LBHD1: variants seen among roughly 807,000 people sequenced by gnomAD.
The protein encoded by LBHD1 is LBH domain-containing protein 1.
In LBHD1, 28 loss-of-function variants were observed where a neutral mutation model predicts 31.1. That is an observed-to-expected ratio of 0.90 (90% CI 0.67 to 1.24). The LOEUF is 1.24. Ranked by LOEUF, LBHD1 falls within the 50% of genes most tolerant of loss-of-function variation. The pLI is 0.00. For synonymous variants in LBHD1, 105 were observed against 116.5 expected, an observed-to-expected ratio of 0.90 and a Z score of 0.63; for missense variants, 350 against 323.0, an observed-to-expected ratio of 1.08 and a Z score of -0.64.
At position 62,669,967 on chromosome 11, in the gene LBHD1, G is replaced by C; in HGVS notation, c.65C>G (p.Ser22Cys). 6.2e-7 allele frequency: 1 copy of C among 1,614,088 alleles called. No individual in the cohort carries two copies. Among genetic ancestry groups the C allele is most frequent in the South Asian group, 1.1e-5 (1 of 91,078 alleles). The change falls in exon 2 of 7, where the codon TCC becomes TGC. Residue 22 changes from serine to cysteine, a missense_variant. Ser to Cys is a moderately radical substitution (Grantham distance 112). Coordinates refer to ENST00000354588, the MANE Select transcript of LBHD1 (RefSeq NM_024099.5). The stretch of plus-strand genomic sequence containing the variant: ...CAGCCTGGGACTTTCTGGATGCTGG[G>C]AGGAGCCTGGGCTATTTCTAGTCCA... ...GLWTRNSPGS[S>C]QHPESPRLPN...
chr11:62,663,789 T>C (rs1204236756), intron 5 of LBHD1, among the ~76,000 whole-genome samples: 7 of 149,680 alleles, frequency 4.7e-5, no homozygotes, highest in Non-Finnish European at 1.0e-4. Context: ...TGAAAGGACA[T>C]AGATCGGGGG....
At chr11:62,665,084 G>T in intron 4 of LBHD1, 111 bp from the exon 5 acceptor site, 1 of 1,472,052 alleles carries the variant, frequency 6.8e-7, no homozygotes, top group South Asian at 1.2e-5. Context: ...AGATAAAAGG[G>T]CTCAGGAACG....
At position 62,664,875 on chromosome 11, in the gene LBHD1, G is replaced by T. The variant is rs1435667876; in HGVS notation, c.637C>A (p.His213Asn). Residue 213 changes from histidine to asparagine, a missense_variant, in exon 5 of 7, where the codon CAC becomes AAC. Physicochemically the swap from His to Asn is moderately conservative, Grantham distance 68. Coordinates refer to ENST00000354588, the MANE Select transcript of LBHD1 (RefSeq NM_024099.5). ...CCCGCTTCTTGAGGTGGTGCCGCGT[G>T]ATCAGCCCTTGGTCTATCACAGCCC... is the stretch of plus-strand genomic sequence containing the variant. ...GRGCDRPRAD[H>N]AAPPQEAGVQ... 1 of 1,581,108 alleles carries T rather than the reference G, an allele frequency of 6.3e-7. No homozygotes were observed. Among genetic ancestry groups the T allele is most frequent in the African/African-American group, 1.3e-5 (1 of 74,344 alleles).
chr11:62,665,439 G>C, intron 4 of LBHD1: 3 of 1,549,018 alleles, frequency 1.9e-6, no homozygotes, highest in Non-Finnish European at 2.6e-6. Flanking sequence ...TTCTTGGCGG[G>C]GATCGGGCTT....
rs1395560634 is a variant in LBHD1 at position 62,672,231 on chromosome 11, C to G, written c.-678G>C. 28 of 1,100,972 alleles carry G rather than the reference C, an allele frequency of 2.5e-5. No individual in the cohort carries two copies. The highest frequency in any genetic ancestry group is 3.3e-5 in the Non-Finnish European group (26 of 778,736). The allele number at this position is 1,100,972 out of a possible 1,614,324, so 68.2% of individuals were successfully genotyped here. A position where few individuals can be genotyped will look rare whatever the true frequency, so the allele number is the denominator to read the frequency against. ...GACCGAGATACCATGCCAGGACTCT[C>G]CGGGGTCCTGTGAGCTGCCGTCGGG... On this transcript the variant is annotated 5_prime_UTR_variant, in exon 1 of 7. Coordinates refer to ENST00000354588, the MANE Select transcript of LBHD1 (RefSeq NM_024099.5).
chr11:62,665,815 C>T (rs1164200070), intron 4 of LBHD1: 1 of 1,585,300 alleles, frequency 6.3e-7, no homozygotes, highest in Non-Finnish European at 8.6e-7. Flanking sequence ...CCTCAGGCCT[C>T]TCCGGCTGGA....
chr11:62,669,418 AAG>A (rs1230593195), intron 3 of LBHD1: 1 of 985,030 alleles, frequency 1.0e-6, no homozygotes, highest in African/African-American at 1.7e-5. Flanking sequence ...AAAGAAGAAA[AAG>A]AAAGTACAGA....
At chr11:62,664,250 TAA>T (rs893957454) in intron 5 of LBHD1, among the ~76,000 whole-genome samples, 2 of 151,342 alleles carry the variant, frequency 1.3e-5, no homozygotes, top group African/African-American at 4.9e-5. Context: ...TATGTAAAAA[TAA>T]GTTTACTTAT....
chr11:62,663,069 T>C lies in LBHD1; in HGVS notation c.*60A>G. Reference sequence around the variant, plus strand: ...AGAGGTTTAGCTCTCATCTTCAAGGTCCTTCATTTCTACATCCTGGGGGGC... The same window carrying C: ...AGAGGTTTAGCTCTCATCTTCAAGGCCCTTCATTTCTACATCCTGGGGGGC... On this transcript the variant is annotated 3_prime_UTR_variant, in exon 7 of 7. Coordinates refer to ENST00000354588, the MANE Select transcript of LBHD1 (RefSeq NM_024099.5). 2.5e-6 allele frequency: 4 copies of C among 1,599,196 alleles called. No individual in the cohort carries two copies. In the South Asian group the frequency reaches 4.4e-5, roughly 18 times the overall value.
At chr11:62,667,862 G>A in intron 3 of LBHD1, 115 bp from the exon 4 acceptor site, 1 of 727,900 alleles carries the variant, frequency 1.4e-6, no homozygotes, top group Non-Finnish European at 2.3e-6. Flanking sequence ...AGGCCAAGGT[G>A]GGCAGATTGC....
chr11:62,665,573 A>C lies in LBHD1; in HGVS notation c.539-600T>G, dbSNP rs1234020085. ...TATCCTCAAACGCCGGGACACCGGG[A>C]ATCTCGGAGAAGGACAACCGAGATC... On this transcript the variant is annotated intron_variant, in intron 4 of 6. Transcript: ENST00000354588. The C allele has an allele frequency of 2.5e-6, 4 of 1,568,930 alleles. No individual in the cohort carries two copies. In the African/African-American group the frequency reaches 4.0e-5, roughly 16 times the overall value.
intron 3 of LBHD1, among the ~76,000 whole-genome samples, chr11:62,669,065 C>CAT: frequency 6.6e-6 from 1 of 151,306 alleles, no homozygotes; most frequent in Non-Finnish European, 1.5e-5. Flanking sequence ...GGACTACAGG[C>CAT]GCCCGCCACC....
intron 4 of LBHD1, chr11:62,666,152 A>G: frequency 8.4e-6 from 6 of 717,126 alleles, no homozygotes; most frequent in Middle Eastern, 4.0e-4. Context: ...TTCGAGACCA[A>G]CCTAGGGCAA....
At chr11:62,666,800 C>CTG (rs1236023800) in intron 4 of LBHD1, 3 of 1,613,988 alleles carry the variant, frequency 1.9e-6, no homozygotes. Flanking sequence ...AGGCTCTTTC[C>CTG]AACTACTGCT....
At chr11:62,669,505 C>T in intron 3 of LBHD1, 136 bp downstream of exon 3, 1 of 1,502,688 alleles carries the variant, frequency 6.7e-7, no homozygotes, top group Non-Finnish European at 8.8e-7. Flanking sequence ...CCTTTTCTCT[C>T]CCACATCTTC....
At chr11:62,665,310 G>A (rs1036177363) in intron 4 of LBHD1, 4 of 715,338 alleles carry the variant, frequency 5.6e-6, no homozygotes, top group East Asian at 2.7e-5. Flanking sequence ...GGTGCGGGAG[G>A]CCTTTCGGAG....
intron 1 of LBHD1, chr11:62,670,286 G>T: frequency 2.1e-6 from 1 of 482,192 alleles, no homozygotes; most frequent in Middle Eastern, 5.3e-4. Flanking sequence ...AAAGCCCTGT[G>T]GGCCAAGAGT....
chr11:62,672,125 G>T lies in LBHD1; in HGVS notation c.-572C>A. 1 of 1,559,392 alleles carries T rather than the reference G, an allele frequency of 6.4e-7. No homozygotes were observed. ...GGGAGGTCACCGTGAGACCGGACTTGCCTCCGTGGGCGCCGGACCTTGGCT... is the reference window on the plus strand; with the variant it reads ...GGGAGGTCACCGTGAGACCGGACTTTCCTCCGTGGGCGCCGGACCTTGGCT... On this transcript the variant is annotated 5_prime_UTR_variant, in exon 1 of 7. Coordinates refer to ENST00000354588, the MANE Select transcript of LBHD1 (RefSeq NM_024099.5).
Position 62,671,158 on chromosome 11 carries a change from C to G in LBHD1, c.-11+406G>C, listed in dbSNP as rs766160270. 3.6e-5 allele frequency: 13 copies of G among 362,500 alleles called. No individual in the cohort carries two copies. In the Admixed American group the frequency reaches 3.9e-4, roughly 11 times the overall value. The allele number at this position is 362,500 out of a possible 1,614,324, so 22.5% of individuals were successfully genotyped here. On this transcript the variant is annotated intron_variant, in intron 1 of 6. Transcript: ENST00000354588. ...AACAACAACAAAACCAAAAAAAAACCCAAACAATACCAAGTGTGTACCATG... is the reference window on the plus strand; with the variant it reads ...AACAACAACAAAACCAAAAAAAAACGCAAACAATACCAAGTGTGTACCATG...
Sources: gnomAD v4.1 joint callset for allele counts (sites outside exome capture counted in the v4.1 genomes callset) on GRCh38, gnomAD v4.1.1 for gene constraint, MANE v1.5 for transcripts, NCBI Gene and HGNC (gene_info 2026-07-23, HGNC 2026-07-21) for gene names.